Variants in ADAM23 observed in about 807,000 individuals in gnomAD.
ADAM23 encodes the protein ADAM metallopeptidase domain 23, also known as disintegrin and metalloproteinase domain-containing protein 23.
Under a neutral mutation model 120.1 loss-of-function variants are expected in ADAM23, and 33 were observed. That is an observed-to-expected ratio of 0.27 (90% CI 0.21 to 0.37). The LOEUF is 0.37. ADAM23 is among the 10% of genes least tolerant of loss of function. The pLI, the probability that ADAM23 is intolerant of heterozygous loss-of-function variation, is 1.00. For missense variants in ADAM23, 862 were observed against 1,058.2 expected (o/e 0.81, Z 2.57); for synonymous variants, 367 against 375.2 (o/e 0.98, Z 0.25).
intron 1 of ADAM23, among the ~76,000 whole-genome samples, chr2:206,445,003 C>A (rs912543998): frequency 4.0e-5 from 6 of 150,812 alleles, no homozygotes; most frequent in African/African-American, 9.8e-5. Context: ...ATTCTACCCC[C>A]CCCCCAACAC....
intron 21 of ADAM23, among the ~76,000 whole-genome samples, chr2:206,589,892 T>C (rs923130389): frequency 5.9e-5 from 9 of 152,222 alleles, no homozygotes; most frequent in African/African-American, 2.2e-4. Flanking sequence ...GCAAACTATA[T>C]AGACCGTATA....
intron 8 of ADAM23, among the ~76,000 whole-genome samples, 183 bp from the exon 9 acceptor site, chr2:206,549,912 T>C (rs1404691433): frequency 6.6e-6 from 1 of 152,178 alleles, no homozygotes; most frequent in African/African-American, 2.4e-5. Context: ...AATACTTGAA[T>C]ATGTACCCAT....
At chr2:206,456,418 C>T (rs1462523432) in intron 2 of ADAM23, among the ~76,000 whole-genome samples, 1 of 152,082 alleles carries the variant, frequency 6.6e-6, no homozygotes, top group Non-Finnish European at 1.5e-5. Flanking sequence ...TGCGTAGGGA[C>T]ATAGAGCCAA....
chr2:206,593,678 T>C (rs1469792133), intron 22 of ADAM23, among the ~76,000 whole-genome samples: 1 of 152,136 alleles, frequency 6.6e-6, no homozygotes, highest in East Asian at 1.9e-4. Flanking sequence ...CAAGCTTTAT[T>C]TGAATGTGTG....
intron 4 of ADAM23, among the ~76,000 whole-genome samples, chr2:206,533,315 C>T (rs907407342): frequency 9.9e-5 from 15 of 152,128 alleles, no homozygotes; most frequent in Admixed American, 7.9e-4. Context: ...GATTCTCCTG[C>T]CTCAGTCTCC....
In ADAM23 at chr2:206,501,611, A is replaced by G. The variant is rs184377249; in HGVS notation, c.509+20303A>G. Among the ~76,000 whole-genome samples, 849 of 145,336 alleles carry G rather than the reference A, an allele frequency of 5.8e-3. 7 individuals carry two copies. Among genetic ancestry groups the G allele is most frequent in the African/African-American group, 0.023 (802 of 35,006 alleles). ...TTTTCTAAGGCATGAAAAATACTATATTTTAAGCACATAAGAAGCTATTTA... is the reference window on the plus strand; with the variant it reads ...TTTTCTAAGGCATGAAAAATACTATGTTTTAAGCACATAAGAAGCTATTTA... On this transcript the variant is annotated intron_variant, in intron 3 of 25. Coordinates refer to ENST00000264377, the MANE Select transcript of ADAM23 (RefSeq NM_003812.4).
chr2:206,481,458 GA>G (rs1695894882), intron 3 of ADAM23, 150 bp downstream of exon 3: 1 of 510,724 alleles, frequency 2.0e-6, no homozygotes, highest in Non-Finnish European at 3.3e-6. Flanking sequence ...TCTGAATGGT[GA>G]ATTATATATT....
Position 206,543,203 on chromosome 2 carries a change from A to G in ADAM23, c.657-50A>G, listed in dbSNP as rs778910355. The stretch of plus-strand genomic sequence containing the variant: ...TGAAGCTCACTTGCTATTTCTTGCC[A>G]TTTCCTGTGTTTGTTTATTCCCTCC... On this transcript the variant is annotated intron_variant, in intron 5 of 25. Transcript: ENST00000264377. 3.3e-6 allele frequency: 5 copies of G among 1,537,616 alleles called. No homozygotes were observed. The Admixed American group carries it at 6.7e-5, about 21-fold the overall frequency.
intron 2 of ADAM23, among the ~76,000 whole-genome samples, chr2:206,455,469 C>A (rs759732114): frequency 6.6e-6 from 1 of 152,180 alleles, no homozygotes; most frequent in African/African-American, 2.4e-5. Flanking sequence ...CATTTTCATT[C>A]ACCTCCTCTT....
At chr2:206,594,533 A>G (rs929970168) in intron 22 of ADAM23, among the ~76,000 whole-genome samples, 2 of 152,212 alleles carry the variant, frequency 1.3e-5, no homozygotes, top group African/African-American at 4.8e-5. Context: ...GTACTGTAAT[A>G]ATGATAATGA....
chr2:206,598,027 T>C (rs1698563009), intron 24 of ADAM23, among the ~76,000 whole-genome samples: 1 of 152,228 alleles, frequency 6.6e-6, no homozygotes, highest in Non-Finnish European at 1.5e-5. Context: ...CTATTTCTGT[T>C]CTCCTTCTTC....
intron 3 of ADAM23, among the ~76,000 whole-genome samples, chr2:206,507,487 A>G (rs1696519376): frequency 6.6e-6 from 1 of 151,622 alleles, no homozygotes; most frequent in African/African-American, 2.4e-5. Context: ...CTGTGATTGT[A>G]AGTTTTTTGA....
At chr2:206,614,379 T>C (rs952582399) in intron 25 of ADAM23, among the ~76,000 whole-genome samples, 2 of 152,130 alleles carry the variant, frequency 1.3e-5, no homozygotes, top group African/African-American at 4.8e-5. Context: ...TTAAGAGTTA[T>C]CTGAAGCTGG....
At chr2:206,591,836 A>G (rs1383514946) in intron 21 of ADAM23, among the ~76,000 whole-genome samples, 3 of 152,130 alleles carry the variant, frequency 2.0e-5, no homozygotes, top group Non-Finnish European at 2.9e-5. Context: ...TTTTGCTTTT[A>G]TCTGTTCTGG....
intron 3 of ADAM23, among the ~76,000 whole-genome samples, chr2:206,483,897 T>C (rs189393499): frequency 4.6e-5 from 7 of 151,242 alleles, no homozygotes; most frequent in African/African-American, 1.7e-4. Flanking sequence ...ATTGAGGAGG[T>C]TTGGATGAGA....
At chr2:206,536,227 G>GTA (rs1697173007) in intron 4 of ADAM23, among the ~76,000 whole-genome samples, 1 of 151,502 alleles carries the variant, frequency 6.6e-6, no homozygotes, top group South Asian at 2.1e-4. Context: ...GTGTGTGTTT[G>GTA]TGTGTGTGTG....
At chr2:206,594,715 A>G in intron 22 of ADAM23, 22 bp from the exon 23 acceptor site, 1 of 1,613,748 alleles carries the variant, frequency 6.2e-7, no homozygotes, top group Non-Finnish European at 8.5e-7. Flanking sequence ...AAATAGTTAT[A>G]TGGGTATCTT....
chr2:206,506,399 T>C (rs976645703), intron 3 of ADAM23, among the ~76,000 whole-genome samples: 2 of 152,190 alleles, frequency 1.3e-5, no homozygotes, highest in African/African-American at 4.8e-5. Flanking sequence ...AAGTAGTAAC[T>C]TCAGCTGAAA....
At chr2:206,591,754 T>C (rs1254630668) in intron 21 of ADAM23, among the ~76,000 whole-genome samples, 1 of 152,226 alleles carries the variant, frequency 6.6e-6, no homozygotes, top group Non-Finnish European at 1.5e-5. Context: ...AACTAGTAAA[T>C]TCTACCATCA....
Sources: allele counts gnomAD v4.1 joint callset (sites outside exome capture counted in the v4.1 genomes callset), GRCh38; gene constraint gnomAD v4.1.1; transcripts MANE v1.5; gene names NCBI Gene and HGNC (gene_info 2026-07-23, HGNC 2026-07-21).